Variants in RAD50 observed in about 807,000 individuals in gnomAD.
The protein encoded by RAD50 is RAD50 double strand break repair protein.
A neutral mutation model predicts 168.8 loss-of-function variants in RAD50; 132 were observed. The observed-to-expected ratio is 0.78, with a 90% CI of 0.68 to 0.90. The LOEUF is 0.90. Ranked by LOEUF, RAD50 falls within the 40% of genes least tolerant of loss-of-function variation. The pLI, the probability that RAD50 is intolerant of heterozygous loss-of-function variation, is 0.00. For synonymous variants in RAD50, 525 were observed against 497.4 expected (o/e 1.06, Z -0.74); for missense variants, 1,347 against 1,534.4 (o/e 0.88, Z 2.04).
At position 132,557,534 on chromosome 5, in the gene RAD50, AG is replaced by A. The variant is rs1338057645; in HGVS notation, c.129+83del. ...AAATGGGAAGTTGAGAACTCTCCTT[AG>A]GAGCAGAAGCGTCCCTAGGGCTCCA... is the stretch of plus-strand genomic sequence containing the variant. On this transcript the variant is annotated intron_variant, in intron 1 of 24. Coordinates refer to ENST00000378823, the MANE Select transcript of RAD50 (RefSeq NM_005732.4). The A allele has an allele frequency of 2.5e-6, 4 of 1,580,246 alleles. No individual in the cohort carries two copies. The African/African-American group carries it at 5.4e-5, about 21-fold the overall frequency.
rs1186633489 is a variant in RAD50 at position 132,588,734 on chromosome 5, A to T, written c.1099A>T (p.Arg367Ter). ...TCGCCATCAAGAACATATCCGAGCT[A>T]GAGATTCATTAATTCAGTCTTTGGC... ...ADRHQEHIRA[R>*]DSLIQSLATQ... The change falls in exon 8 of 25, where the codon AGA becomes TGA. Residue 367 changes from arginine to a stop codon, truncating the protein, a stop_gained. Coordinates refer to ENST00000378823, the MANE Select transcript of RAD50 (RefSeq NM_005732.4). LOFTEE classifies it high-confidence loss of function. The T allele has an allele frequency of 6.2e-7, 1 of 1,613,952 alleles. No individual in the cohort carries two copies. Among genetic ancestry groups the T allele is most frequent in the Non-Finnish European group, 8.5e-7 (1 of 1,179,922 alleles).
Position 132,589,792 on chromosome 5 carries a change from A to C in RAD50, c.1407A>C (p.Gly469=), listed in dbSNP as rs577685066. Reference sequence around the variant, plus strand: ...AGTATGAATTACAGCAGTTGGAAGGATCTTCAGACAGGATTCTTGAACTGG... The same window carrying C: ...AGTATGAATTACAGCAGTTGGAAGGCTCTTCAGACAGGATTCTTGAACTGG... ...NVKYELQQLE[G]SSDRILELDQ... is the part of the protein sequence containing the mutation. Residue 469 remains glycine, a synonymous_variant, in exon 9 of 25, where the codon GGA becomes GGC. Transcript: ENST00000378823. 1.2e-6 allele frequency: 2 copies of C among 1,613,744 alleles called. No individual in the cohort carries two copies. Among genetic ancestry groups the C allele is most frequent in the South Asian group, 1.1e-5 (1 of 91,022 alleles).
chr5:132,629,395 G>C (rs1199878434), intron 21 of RAD50, among the ~76,000 whole-genome samples: 1 of 152,146 alleles, frequency 6.6e-6, no homozygotes, highest in East Asian at 1.9e-4. Flanking sequence ...CAGTCACAGA[G>C]GCATGCTGAG....
chr5:132,558,855 C>T (rs1750067670), intron 1 of RAD50, among the ~76,000 whole-genome samples: 1 of 152,000 alleles, frequency 6.6e-6, no homozygotes, highest in African/African-American at 2.4e-5. Flanking sequence ...TGCAGTAAGC[C>T]ATGATCATGC....
chr5:132,623,298 G>T (rs940146651), intron 21 of RAD50, among the ~76,000 whole-genome samples: 23 of 152,126 alleles, frequency 1.5e-4, no homozygotes, highest in African/African-American at 5.6e-4. Flanking sequence ...GGCCAACATG[G>T]TGAAACCCCG....
intron 21 of RAD50, among the ~76,000 whole-genome samples, chr5:132,620,949 TGAAGAGGAGGAGGAA>T (rs1383452396): frequency 6.6e-6 from 1 of 151,902 alleles, no homozygotes; most frequent in African/African-American, 2.4e-5. Flanking sequence ...CTCTTCACAT[TGAAGAGGAGGAGGAA>T]GAAGAGGAGG....
chr5:132,608,559 C>A (rs1324336963), intron 16 of RAD50, 56 bp from the exon 17 acceptor site: 1 of 1,402,450 alleles, frequency 7.1e-7, no homozygotes, highest in Non-Finnish European at 9.7e-7. Context: ...GAAGTCTGAC[C>A]CCTAAAGTAA....
Position 132,604,885 on chromosome 5 carries a change from T to G in RAD50, c.2604T>G (p.Asn868Lys), listed in dbSNP as rs786202498. The G allele has an allele frequency of 4.3e-6, 7 of 1,613,702 alleles. No homozygotes were observed. The highest frequency in any genetic ancestry group is 5.9e-6 in the Non-Finnish European group (7 of 1,179,664). ...TTCAACATCTAAAAAGTACAACAAATGAGCTAAAATCTGAGAAACTTCAGA... is the reference window on the plus strand; with the variant it reads ...TTCAACATCTAAAAAGTACAACAAAGGAGCTAAAATCTGAGAAACTTCAGA... ...EQIQHLKSTTNELKSEKLQIS... is the reference protein window; with the variant it reads ...EQIQHLKSTTKELKSEKLQIS... The change falls in exon 16 of 25, where the codon AAT (asparagine) becomes AAG (lysine). Residue 868 changes from asparagine to lysine, a missense_variant. Asn to Lys is a moderately conservative substitution (Grantham distance 94). Coordinates refer to ENST00000378823, the MANE Select transcript of RAD50 (RefSeq NM_005732.4).
At chr5:132,562,399 T>C (rs1750138591) in intron 2 of RAD50, among the ~76,000 whole-genome samples, 1 of 152,196 alleles carries the variant, frequency 6.6e-6, no homozygotes, top group South Asian at 2.1e-4. Context: ...ATTAAGGTAG[T>C]GGTAGAATGG....
chr5:132,598,619 C>G (rs952152536), intron 13 of RAD50, among the ~76,000 whole-genome samples: 2 of 152,156 alleles, frequency 1.3e-5, no homozygotes, highest in African/African-American at 4.8e-5. Flanking sequence ...CATAACCGAG[C>G]TGGATGTTCT....
At chr5:132,625,118 GCT>G (rs1561653679) in intron 21 of RAD50, among the ~76,000 whole-genome samples, 1 of 146,102 alleles carries the variant, frequency 6.8e-6, no homozygotes, top group East Asian at 2.0e-4. Context: ...ACGGAGTCTC[GCT>G]CTGTCGCCCA....
Position 132,559,264 on chromosome 5 carries a change from G to A in RAD50, c.130-20G>A, listed in dbSNP as rs752532953. On this transcript the variant is annotated intron_variant, in intron 1 of 24. Coordinates refer to ENST00000378823, the MANE Select transcript of RAD50 (RefSeq NM_005732.4). ...TGTGGTTCTCTTATAACGAAATAAT[G>A]TAATTTTCTATTTCTTTAGACCATC... 4.4e-6 allele frequency: 7 copies of A among 1,583,666 alleles called. No homozygotes were observed. In the Admixed American group the frequency reaches 1.2e-4, roughly 28 times the overall value.
chr5:132,572,125 A>G (rs1750317544), intron 2 of RAD50, among the ~76,000 whole-genome samples: 2 of 152,248 alleles, frequency 1.3e-5, no homozygotes. Context: ...AATAAAGAAG[A>G]AAAATCATAT....
In RAD50 at chr5:132,594,779, T is replaced by G. The variant is rs1393350201; in HGVS notation, c.1794-90T>G. ...ATACCAAACTCTTGTCATGATTTGTTGGCAGAATTTGTCTTGTTTTTGCCT... is the reference window on the plus strand; with the variant it reads ...ATACCAAACTCTTGTCATGATTTGTGGGCAGAATTTGTCTTGTTTTTGCCT... On this transcript the variant is annotated intron_variant, in intron 11 of 24. Coordinates refer to ENST00000378823, the MANE Select transcript of RAD50 (RefSeq NM_005732.4). 3 of 1,298,388 alleles carry G rather than the reference T, an allele frequency of 2.3e-6. No individual in the cohort carries two copies. In the Admixed American group the frequency reaches 5.3e-5, roughly 23 times the overall value. 80.4% of individuals were successfully genotyped at this position (1,298,388 alleles called of 1,614,324 possible). A position where few individuals can be genotyped will look rare whatever the true frequency, so the allele number is the denominator to read the frequency against.
chr5:132,630,937 G>T (rs1751452529), intron 21 of RAD50: 1 of 152,104 alleles, frequency 6.6e-6, no homozygotes, highest in Non-Finnish European at 1.5e-5. Context: ...GGACAAGCTT[G>T]TTAAGACTTT....
intron 2 of RAD50, among the ~76,000 whole-genome samples, chr5:132,567,255 C>T (rs142601337): frequency 2.6e-5 from 4 of 151,840 alleles, no homozygotes; most frequent in South Asian, 2.1e-4. Context: ...CACTTATACT[C>T]GCAAGATGAA....
intron 24 of RAD50, chr5:132,641,929 A>G (rs1751730750): frequency 7.8e-6 from 4 of 513,494 alleles, no homozygotes; most frequent in Non-Finnish European, 1.4e-5. Flanking sequence ...TAGTTCTTGT[A>G]TTCCTGTGAG....
Position 132,603,927 on chromosome 5 carries a change from T to G in RAD50, c.2405T>G (p.Leu802Arg). The change falls in exon 15 of 25, where the codon CTT (leucine) becomes CGT (arginine). Residue 802 changes from leucine (L) to arginine (R), a missense_variant. Around this residue, in one of 3 missense-constraint regions of RAD50, gnomAD observed 635 missense variants for 739.2 expected, o/e 0.86. Coordinates refer to ENST00000378823, the MANE Select transcript of RAD50 (RefSeq NM_005732.4). ...VTIMERFQME[L>R]KDVERKIAQQ... ...TTTTGTTATATTCTTAAGATGGAACTTAAAGATGTTGAAAGAAAAATTGCA... is the reference window on the plus strand; with the variant it reads ...TTTTGTTATATTCTTAAGATGGAACGTAAAGATGTTGAAAGAAAAATTGCA... The G allele has an allele frequency of 1.2e-6, 2 of 1,600,882 alleles. No individual in the cohort carries two copies. The highest frequency in any genetic ancestry group is 1.7e-6 in the Non-Finnish European group (2 of 1,168,332).
intron 19 of RAD50, among the ~76,000 whole-genome samples, chr5:132,612,052 A>T (rs2149851220): frequency 6.6e-6 from 1 of 152,324 alleles, no homozygotes; most frequent in Middle Eastern, 3.4e-3. Flanking sequence ...ATGTTCCCAC[A>T]ACAACTTGTA....
Sources: gnomAD v4.1 joint callset for allele counts (sites outside exome capture counted in the v4.1 genomes callset) on GRCh38, gnomAD v4.1.1 for gene constraint, gnomAD v4.1.1 regional missense constraint, MANE v1.5 for transcripts, NCBI Gene and HGNC (gene_info 2026-07-23, HGNC 2026-07-21) for gene names.